OTOF: variants seen among roughly 807,000 people sequenced by gnomAD.
The protein encoded by OTOF is fer-1-like family member 2.
OTOF carries 218 observed loss-of-function variants against 236.8 expected under a neutral mutation model. The ratio of observed to expected loss-of-function variants is 0.92; its 90% confidence interval spans 0.82 to 1.03. The LOEUF is 1.03. Among genes scored for constraint, OTOF ranks in the 50% least tolerant of loss-of-function variants. OTOF has a pLI of 0.00. For synonymous variants in OTOF, 1,041 were observed against 1,072.5 expected (o/e 0.97, Z 0.57); for missense variants, 2,590 against 2,694.4 (o/e 0.96, Z 0.86).
intron 5 of OTOF, among the ~76,000 whole-genome samples, chr2:26,511,627 G>A (rs1270912121): frequency 6.6e-6 from 1 of 152,230 alleles, no homozygotes; most frequent in African/African-American, 2.4e-5. Context: ...TTTACGTTGG[G>A]CAAGCAGGTC....
chr2:26,554,171 A>G (rs1667531879), intron 1 of OTOF, among the ~76,000 whole-genome samples: 1 of 151,142 alleles, frequency 6.6e-6, no homozygotes, highest in Admixed American at 6.6e-5. Context: ...GACTCAAAAA[A>G]AAAAAAAAAA....
In OTOF at chr2:26,470,826, C is replaced by A; in HGVS notation, c.3895-105G>T. 1 of 1,547,844 alleles carries A rather than the reference C, an allele frequency of 6.5e-7. No homozygotes were observed. ...TCTGTCAGCAGGAAGCCTTGGGCTC[C>A]ATGAGGCTCTGTGGGGCCACCCATG... is the stretch of plus-strand genomic sequence containing the variant. On this transcript the variant is annotated intron_variant, in intron 31 of 46. Coordinates refer to ENST00000272371, the MANE Select transcript of OTOF (RefSeq NM_194248.3). This position sits in a 1 kb window ranked among gnomAD's most constrained non-coding sequence, Gnocchi z 4.3.
At chr2:26,556,108 G>T (rs1389314616) in intron 1 of OTOF, among the ~76,000 whole-genome samples, 1 of 152,174 alleles carries the variant, frequency 6.6e-6, no homozygotes, top group Non-Finnish European at 1.5e-5. Context: ...CCTACCTAGG[G>T]CCACTGCCAA....
rs758733355 is a variant in OTOF at position 26,479,315 on chromosome 2, C to A, written c.2163G>T (p.Gln721His). Reference protein sequence around the residue: ...CIYIKSWWPDQRRRLYNANIM... With the variant: ...CIYIKSWWPDHRRRLYNANIM... ...TGTTGGCATTGTAGAGGCGGCGGCG[C>A]TGGTCCGGCCACCAGCTCTTGATGT... The change falls in exon 18 of 47, where the codon CAG (glutamine) becomes CAT (histidine). Residue 721 changes from glutamine (Q) to histidine (H), a missense_variant. Coordinates refer to ENST00000272371, the MANE Select transcript of OTOF (RefSeq NM_194248.3). The A allele has an allele frequency of 1.2e-6, 2 of 1,612,224 alleles. No homozygotes were observed. Among genetic ancestry groups the A allele is most frequent in the Non-Finnish European group, 8.5e-7 (1 of 1,179,818 alleles).
At chr2:26,478,020 C>T (rs1478745720) in intron 18 of OTOF, 2 of 1,445,846 alleles carry the variant, frequency 1.4e-6, no homozygotes, top group Non-Finnish European at 1.8e-6. Flanking sequence ...GGTGAGCTCA[C>T]AGGGCCTGGG....
In OTOF at chr2:26,461,019, G is replaced by T. The variant is rs1664439792; in HGVS notation, c.5545C>A (p.Leu1849Met). 1 of 1,606,480 alleles carries T rather than the reference G, an allele frequency of 6.2e-7. No homozygotes were observed. The highest frequency in any genetic ancestry group is 8.5e-7 in the Non-Finnish European group (1 of 1,176,688). ...CCCCGCGGGAACCGGTTCAGGTCCAGCTCGATGGCCCCTGTGGCAACCTCA... is the reference window on the plus strand; with the variant it reads ...CCCCGCGGGAACCGGTTCAGGTCCATCTCGATGGCCCCTGTGGCAACCTCA... ...SADDFLGAIE[L>M]DLNRFPRGAK... Residue 1849 changes from leucine (L) to methionine (M), a missense_variant, in exon 44 of 47, where the codon CTG becomes ATG. Leu to Met is a conservative substitution (Grantham distance 15, BLOSUM62 2). Around this residue, in one of 2 missense-constraint regions of OTOF, gnomAD observed 1,211 missense variants for 1,352.8 expected, o/e 0.90. Transcript: ENST00000272371. The surrounding 1 kb of genome is among the most constrained non-coding windows in gnomAD (Gnocchi z 6.2).
In OTOF at chr2:26,516,450, G is replaced by C. The variant is rs781243873; in HGVS notation, c.477C>G (p.Ser159Arg). The change falls in exon 5 of 47, where the codon AGC becomes AGG. Residue 159 changes from serine to arginine, a missense_variant. Coordinates refer to ENST00000272371, the MANE Select transcript of OTOF (RefSeq NM_194248.3). ...AGCTCTTCTCTCCTGGGGGCCGGGA[G>C]CTGGGCCGGGAGCCTGGGAGCAGTC... is the stretch of plus-strand genomic sequence containing the variant. The part of the protein sequence containing the change: ...TDGLLPGSRP[S>R]SRPPGEKSFR... 1.9e-5 allele frequency: 31 copies of C among 1,613,824 alleles called. 4 individuals are homozygous for C. The South Asian group carries it at 3.2e-4, about 17-fold the overall frequency.
Position 26,477,877 on chromosome 2 carries a change from T to G in OTOF, c.2215-128A>C. On this transcript the variant is annotated intron_variant, in intron 18 of 46. Coordinates refer to ENST00000272371, the MANE Select transcript of OTOF (RefSeq NM_194248.3). The surrounding 1 kb of genome is among the most constrained non-coding windows in gnomAD (Gnocchi z 4.7). ...CTGGGAGCTCTCGCTAGGGCCATCC[T>G]GAGTATCGGTCATCATGAGGAAGTC... is the stretch of plus-strand genomic sequence containing the variant. The G allele has an allele frequency of 9.0e-6, 14 of 1,548,778 alleles. No individual in the cohort carries two copies. Among genetic ancestry groups the G allele is most frequent in the African/African-American group, 1.4e-5 (1 of 73,046 alleles).
At chr2:26,554,778 G>C (rs1371855393) in intron 1 of OTOF, among the ~76,000 whole-genome samples, 2 of 151,526 alleles carry the variant, frequency 1.3e-5, no homozygotes, top group Admixed American at 6.6e-5. Flanking sequence ...GAATCAGGGG[G>C]AGGGTGGGAA....
Position 26,473,245 on chromosome 2 carries a change from AC to A in OTOF, c.3619del (p.Val1207TrpfsTer63), listed in dbSNP as rs758349886. 1 of 1,613,458 alleles carries A rather than the reference AC, an allele frequency of 6.2e-7. No homozygotes were observed. The highest frequency in any genetic ancestry group is 8.5e-7 in the Non-Finnish European group (1 of 1,179,984). The stretch of plus-strand genomic sequence containing the variant: ...GTAGCGACCGAAGGCCCGGCAGTCC[AC>A]CACACGGATGTTCAAGGGCGGGTGC... ...LLHPPLNIRV[V>X]DCRAFGRYTL... On this transcript the variant is annotated frameshift_variant, in exon 29 of 47. Transcript: ENST00000272371. LOFTEE classifies it high-confidence loss of function. This position sits in a 1 kb window ranked among gnomAD's most constrained non-coding sequence, Gnocchi z 7.2.
Position 26,489,575 on chromosome 2 carries a change from G to A in OTOF, c.960+103C>T, listed in dbSNP as rs571368360. 8.2e-6 allele frequency: 8 copies of A among 981,284 alleles called. 1 individual carries two copies. The highest frequency in any genetic ancestry group is 1.8e-5 in the Admixed American group (1 of 54,752). 60.8% of individuals were successfully genotyped at this position (981,284 alleles called of 1,614,324 possible). ...CAGCCGTGTGTCCAGGCACGGCGCT[G>A]CCTCTTTATCATGGGTCTAGACAGA... On this transcript the variant is annotated intron_variant, in intron 10 of 46. Transcript: ENST00000272371.
intron 18 of OTOF, among the ~76,000 whole-genome samples, chr2:26,478,341 A>G (rs1385032235): frequency 6.6e-6 from 1 of 152,248 alleles, no homozygotes; most frequent in Non-Finnish European, 1.5e-5. Flanking sequence ...CAAGACAGGG[A>G]TGACAAGGAG....
chr2:26,536,706 C>T (rs776107317), intron 2 of OTOF, among the ~76,000 whole-genome samples: 5 of 152,148 alleles, frequency 3.3e-5, no homozygotes, highest in Admixed American at 3.3e-4. Context: ...CCCCACAGAG[C>T]CAAGCGGGAG....
intron 33 of OTOF, among the ~76,000 whole-genome samples, chr2:26,468,053 T>C (rs930784030): frequency 6.6e-6 from 1 of 152,258 alleles, no homozygotes; most frequent in Non-Finnish European, 1.5e-5. Context: ...TTTCCTAAAC[T>C]AATTTGACCA....
chr2:26,494,757 G>T (rs1235869059), intron 9 of OTOF, among the ~76,000 whole-genome samples, 185 bp downstream of exon 9: 4 of 152,028 alleles, frequency 2.6e-5, no homozygotes, highest in Admixed American at 6.6e-5. Context: ...AGACTGGGGG[G>T]TTCAGAGGAT....
At chr2:26,471,868 T>C (rs1426844898) in intron 30 of OTOF, among the ~76,000 whole-genome samples, 1 of 149,064 alleles carries the variant, frequency 6.7e-6, no homozygotes, top group African/African-American at 2.5e-5. Context: ...CACATGCACA[T>C]ATGCACACAA....
At position 26,482,479 on chromosome 2, in the gene OTOF, C is replaced by T. The variant is rs199713499; in HGVS notation, c.1506G>A (p.Ser502=). ...CKRMKVQIRD[S]DKVNDVAIGT... ...CGATGGCCACGTCGTTGACCTTGTC[C>T]GAGTCTCGGATCTGCACCTTCATGC... Residue 502 remains serine (S), a synonymous_variant, in exon 14 of 47, where the codon TCG becomes TCA. Coordinates refer to ENST00000272371, the MANE Select transcript of OTOF (RefSeq NM_194248.3). 145 of 1,613,354 alleles carry T rather than the reference C, an allele frequency of 9.0e-5. 2 individuals are homozygous for T. In the Admixed American group the frequency reaches 2.2e-3, roughly 24 times the overall value.
intron 4 of OTOF, 131 bp downstream of exon 4, chr2:26,518,879 T>C: frequency 1.4e-6 from 1 of 730,636 alleles, no homozygotes; most frequent in Non-Finnish European, 2.5e-6. Flanking sequence ...CTGACCTGAG[T>C]CTCCTCCTCC....
chr2:26,541,311 A>G (rs1282063830), intron 1 of OTOF, among the ~76,000 whole-genome samples: 1 of 152,182 alleles, frequency 6.6e-6, no homozygotes. Context: ...CCATTGCAGA[A>G]TTTATACATC....
Sources: gnomAD v4.1 joint callset for allele counts (sites outside exome capture counted in the v4.1 genomes callset) on GRCh38, gnomAD v4.1.1 for gene constraint, gnomAD v4.1.1 regional missense constraint, Gnocchi (gnomAD v3.1) non-coding constraint, MANE v1.5 for transcripts, NCBI Gene and HGNC (gene_info 2026-07-23, HGNC 2026-07-21) for gene names.